CELF6: variants seen among roughly 807,000 people sequenced by gnomAD.
CELF6 encodes CUGBP Elav-like family member 6.
Under a neutral mutation model 53.1 loss-of-function variants are expected in CELF6, and 32 were observed. The observed-to-expected ratio is 0.60, with a 90% CI of 0.46 to 0.81. The LOEUF is 0.81. Among genes scored for constraint, CELF6 ranks in the 30% least tolerant of loss-of-function variants. CELF6 has a pLI of 0.00. For missense variants in CELF6, 539 were observed against 669.5 expected (o/e 0.81, Z 2.15); for synonymous variants, 291 against 288.8 (o/e 1.01, Z -0.08).
chr15:72,292,352 G>C (rs1007340685), intron 3 of CELF6: 1 of 918,736 alleles, frequency 1.1e-6, no homozygotes, highest in Non-Finnish European at 1.6e-6. Context: ...CATTTGGCCA[G>C]AGAATCAAAC....
chr15:72,311,529 A>T (rs2088296485), intron 2 of CELF6, among the ~76,000 whole-genome samples: 2 of 150,156 alleles, frequency 1.3e-5, no homozygotes, highest in African/African-American at 4.9e-5. Context: ...CAGCCTCCCG[A>T]GTAGCTGGGA....
chr15:72,291,417 A>G (rs2141186466), intron 3 of CELF6, among the ~76,000 whole-genome samples: 1 of 151,004 alleles, frequency 6.6e-6, no homozygotes, highest in Non-Finnish European at 1.5e-5. Flanking sequence ...AAGTTGGGAG[A>G]GAAGGAGTGG....
Position 72,287,385 on chromosome 15 carries a change from A to G in CELF6, c.1326T>C (p.Val442=). The change falls in exon 12 of 13, where the codon GTT becomes GTC. Residue 442 remains valine, a synonymous_variant. Transcript: ENST00000287202. ...GGGCACTAGTTGGATTGTCAAAACT[A>G]ACAAACCCTGGAGGGTGTGGGCAAA... The part of the protein sequence containing the change: ...ATNQSKCFGF[V]SFDNPTSAQT... The G allele has an allele frequency of 6.2e-7, 1 of 1,614,074 alleles. No individual in the cohort carries two copies. The highest frequency in any genetic ancestry group is 8.5e-7 in the Non-Finnish European group (1 of 1,179,952).
At position 72,289,057 on chromosome 15, in the gene CELF6, C is replaced by T; in HGVS notation, c.1030+81G>A. 1 of 1,304,162 alleles carries T rather than the reference C, an allele frequency of 7.7e-7. No homozygotes were observed. The highest frequency in any genetic ancestry group is 1.5e-5 in the South Asian group (1 of 67,874). The allele number at this position is 1,304,162 out of a possible 1,614,324, so 80.8% of individuals were successfully genotyped here. ...CAGCAGGGAAGGAGGGGGATCTCTT[C>T]CCAGGGAAGCCAGGCCCTAACCCCC... On this transcript the variant is annotated intron_variant, in intron 8 of 12. Transcript: ENST00000287202. This position sits in a 1 kb window ranked among gnomAD's most constrained non-coding sequence, Gnocchi z 7.6.
chr15:72,294,921 T>C (rs1318139197), intron 3 of CELF6, among the ~76,000 whole-genome samples: 1 of 131,132 alleles, frequency 7.6e-6, no homozygotes, highest in Admixed American at 9.1e-5. Context: ...GAGGTTGCAG[T>C]GAGCTGAGAT....
chr15:72,299,793 G>C (rs1324444084), intron 3 of CELF6, among the ~76,000 whole-genome samples: 1 of 152,124 alleles, frequency 6.6e-6, no homozygotes, highest in Admixed American at 6.5e-5. Context: ...TAAAATATAG[G>C]CCTGGAGTGT....
chr15:72,314,235 G>C (rs2959920), intron 2 of CELF6, among the ~76,000 whole-genome samples: 2,910 of 152,260 alleles, frequency 0.019, 103 homozygotes, highest in African/African-American at 0.065. Context: ...CTCCAATTCA[G>C]AGAAGTGACT....
intron 3 of CELF6, among the ~76,000 whole-genome samples, chr15:72,295,901 C>G (rs2088071658): frequency 6.6e-6 from 1 of 151,988 alleles, no homozygotes. Flanking sequence ...AAAATCCATC[C>G]TAAAATTCAT....
In CELF6 at chr15:72,289,032, C is replaced by A; in HGVS notation, c.1031-102G>T. The A allele has an allele frequency of 7.8e-7, 1 of 1,289,522 alleles. No individual in the cohort carries two copies. 79.9% of individuals were successfully genotyped at this position (1,289,522 alleles called of 1,614,324 possible). On this transcript the variant is annotated intron_variant, in intron 8 of 12. Transcript: ENST00000287202. This position sits in a 1 kb window ranked among gnomAD's most constrained non-coding sequence, Gnocchi z 7.6. ...GGAGGTGGACGGCGGCTGTGAGAGA[C>A]AGCAGGGAAGGAGGGGGATCTCTTC... is the stretch of plus-strand genomic sequence containing the variant.
rs1279426835 is a variant in CELF6 at position 72,319,719 on chromosome 15, C to A, written c.156G>T (p.Gln52His). The A allele has an allele frequency of 4.4e-6, 7 of 1,600,326 alleles. No homozygotes were observed. Among genetic ancestry groups the A allele is most frequent in the Non-Finnish European group, 5.1e-6 (6 of 1,173,436 alleles). ...DHDAIKLFVG[Q>H]IPRGLDEQDL... ...CCTGCTCGTCCAAGCCCCGCGGGAT[C>A]TGCCCCACGAAGAGCTTGATGGCGT... Residue 52 changes from glutamine to histidine, a missense_variant, in exon 1 of 13, where the codon CAG (glutamine) becomes CAT (histidine). Around this residue, in one of 3 missense-constraint regions of CELF6, gnomAD observed 84 missense variants for 87.9 expected, o/e 0.96. Coordinates refer to ENST00000287202, the MANE Select transcript of CELF6 (RefSeq NM_052840.5). This position sits in a 1 kb window ranked among gnomAD's most constrained non-coding sequence, Gnocchi z 5.0.
At position 72,320,131 on chromosome 15, in the gene CELF6, G is replaced by A. The variant is rs1259467431; in HGVS notation, c.-257C>T. The A allele has an allele frequency of 3.1e-6, 2 of 639,966 alleles. No individual in the cohort carries two copies. Among genetic ancestry groups the A allele is most frequent in the Non-Finnish European group, 5.8e-6 (2 of 345,966 alleles). 39.6% of individuals were successfully genotyped at this position (639,966 alleles called of 1,614,324 possible). On this transcript the variant is annotated 5_prime_UTR_variant, in exon 1 of 13. Transcript: ENST00000287202. ...GGGTCTGGCTTGAGGTCCCCGTGCG[G>A]CTCTCTCTGGGCTCCCGCCCGAGCT...
rs147965641 is a variant in CELF6, at chr15:72,315,554, C to T, written c.345+291G>A. Reference sequence around the variant, plus strand: ...CACCAGTGACAAGAGACACCCAAAGCCATAATTTTACCAAGGTGAATAAAT... The same window carrying T: ...CACCAGTGACAAGAGACACCCAAAGTCATAATTTTACCAAGGTGAATAAAT... On this transcript the variant is annotated intron_variant, in intron 2 of 12. Transcript: ENST00000287202. 3.9e-3 allele frequency among the ~76,000 whole-genome samples: 591 copies of T among 152,310 alleles called. 6 individuals carry two copies. Among genetic ancestry groups the T allele is most frequent in the African/African-American group, 0.013 (536 of 41,580 alleles).
At chr15:72,306,176 T>C (rs2088227838) in intron 2 of CELF6, 1 of 973,588 alleles carries the variant, frequency 1.0e-6, no homozygotes, top group African/African-American at 1.8e-5. Flanking sequence ...TCACATGAGG[T>C]AATGGGGACG....
chr15:72,290,030 C>T lies in CELF6; in HGVS notation c.524-12G>A, dbSNP rs764396887. On this transcript the variant is annotated splice_polypyrimidine_tract_variant and intron_variant, in intron 4 of 12. Transcript: ENST00000287202. ...CACAAAGGCACAGCCTGGGGCAGGA[C>T]AGAGGGAGCGGGTGGCTCAGGCCAC... 1.9e-6 allele frequency: 3 copies of T among 1,611,768 alleles called. No individual in the cohort carries two copies. Among genetic ancestry groups the T allele is most frequent in the South Asian group, 1.1e-5 (1 of 90,690 alleles).
Position 72,289,958 on chromosome 15 carries a change from T to C in CELF6, c.584A>G (p.His195Arg). 1.9e-6 allele frequency: 3 copies of C among 1,576,622 alleles called. No homozygotes were observed. Among genetic ancestry groups the C allele is most frequent in the Non-Finnish European group, 2.6e-6 (3 of 1,161,896 alleles). ...GEAQAAIRGLHGSRTMAGASS... is the reference protein window; with the variant it reads ...GEAQAAIRGLRGSRTMAGASS... Reference sequence around the variant, plus strand: ...CCTCACCGCCATGGTCCGGCTGCCGTGCAGACCCCGGATGGCCGCCTGAGC... The same window carrying C: ...CCTCACCGCCATGGTCCGGCTGCCGCGCAGACCCCGGATGGCCGCCTGAGC... Residue 195 changes from histidine (H) to arginine (R), a missense_variant, in exon 5 of 13, where the codon CAC becomes CGC. By Grantham distance (29) the His-to-Arg change is conservative. Transcript: ENST00000287202. This position sits in a 1 kb window ranked among gnomAD's most constrained non-coding sequence, Gnocchi z 7.6.
At chr15:72,286,688 A>C (rs929691983) in intron 12 of CELF6, among the ~76,000 whole-genome samples, 1 of 152,182 alleles carries the variant, frequency 6.6e-6, no homozygotes, top group Admixed American at 6.5e-5. Context: ...ATGTAGAAGA[A>C]CTTGGCCCAT....
intron 3 of CELF6, 44 bp from the exon 4 acceptor site, chr15:72,290,299 T>C (rs777553263): frequency 1.9e-6 from 3 of 1,589,886 alleles, no homozygotes; most frequent in East Asian, 4.5e-5. Context: ...CAAGTCTTCC[T>C]AGACCCCCGA....
chr15:72,288,709 C>G lies in CELF6; in HGVS notation c.1094-91G>C. 1 of 1,405,860 alleles carries G rather than the reference C, an allele frequency of 7.1e-7. No individual in the cohort carries two copies. The highest frequency in any genetic ancestry group is 1.3e-5 in the South Asian group (1 of 78,904). The allele number at this position is 1,405,860 out of a possible 1,614,324, so 87.1% of individuals were successfully genotyped here. A position where few individuals can be genotyped will look rare whatever the true frequency, so the allele number is the denominator to read the frequency against. ...CCTGGCCGCTTTTGACCAATTCAGC[C>G]CAGTCCACCATAACCCTCACCCCAA... On this transcript the variant is annotated intron_variant, in intron 9 of 12. Transcript: ENST00000287202. The surrounding 1 kb of genome is among the most constrained non-coding windows in gnomAD (Gnocchi z 4.6).
chr15:72,290,061 C>T, intron 4 of CELF6, 43 bp from the exon 5 acceptor site: 1 of 1,613,450 alleles, frequency 6.2e-7, no homozygotes, highest in Non-Finnish European at 8.5e-7. Flanking sequence ...GCCACAGGGG[C>T]CAAAGAGTTA....
Sources: allele counts gnomAD v4.1 joint callset (sites outside exome capture counted in the v4.1 genomes callset), GRCh38; gene constraint gnomAD v4.1.1; regional missense constraint gnomAD v4.1.1; non-coding constraint Gnocchi (gnomAD v3.1); transcripts MANE v1.5; gene names NCBI Gene and HGNC (gene_info 2026-07-23, HGNC 2026-07-21).